TDRD9: variants seen among roughly 807,000 people sequenced by gnomAD.
TDRD9 encodes ATP-dependent RNA helicase TDRD9.
Under a neutral mutation model 172.6 loss-of-function variants are expected in TDRD9, and 124 were observed. That is an observed-to-expected ratio of 0.72 (90% confidence interval 0.62 to 0.83). The LOEUF (loss-of-function observed/expected upper bound fraction) is 0.83, where lower values mean the gene tolerates loss of function less well. Among genes scored for constraint, TDRD9 ranks in the 40% least tolerant of loss-of-function variants. The pLI is 0.00. For missense variants in TDRD9, 1,479 were observed against 1,714.1 expected (o/e 0.86, Z 2.42); for synonymous variants, 619 against 617.1 (o/e 1.00, Z -0.05).
At chr14:104,051,344 G>A (rs561899375) in intron 35 of TDRD9, among the ~76,000 whole-genome samples, 2 of 152,270 alleles carry the variant, frequency 1.3e-5, no homozygotes, top group Admixed American at 6.5e-5. Context: ...TCTCTATCCA[G>A]TCCACTGTTG....
intron 1 of TDRD9, among the ~76,000 whole-genome samples, chr14:103,944,790 C>G (rs1215189530): frequency 1.3e-5 from 2 of 152,106 alleles, no homozygotes; most frequent in African/African-American, 2.4e-5. Flanking sequence ...GTCTTGAACT[C>G]CTGACTTCAA....
chr14:104,040,509 A>T (rs1228539519), intron 33 of TDRD9, among the ~76,000 whole-genome samples, 175 bp downstream of exon 33: 1 of 152,058 alleles, frequency 6.6e-6, no homozygotes, highest in Admixed American at 6.5e-5. Context: ...ACCGCTCCTT[A>T]ACTTGCCAGT....
At chr14:103,975,191 A>G (rs983698908) in intron 6 of TDRD9, among the ~76,000 whole-genome samples, 198 bp from the exon 7 acceptor site, 2 of 152,244 alleles carry the variant, frequency 1.3e-5, no homozygotes, top group Admixed American at 6.5e-5. Flanking sequence ...GTACTCGAAG[A>G]GAAATAGTAA....
chr14:103,966,150 G>A (rs1447334824), intron 4 of TDRD9, among the ~76,000 whole-genome samples: 2 of 152,134 alleles, frequency 1.3e-5, no homozygotes, highest in Non-Finnish European at 2.9e-5. Context: ...GGCCAACATG[G>A]TGAAACCCCC....
intron 20 of TDRD9, among the ~76,000 whole-genome samples, chr14:104,011,787 A>C (rs772645324): frequency 7.0e-4 from 106 of 152,190 alleles, no homozygotes; most frequent in Non-Finnish European, 2.2e-4. Context: ...TTGTATATTC[A>C]GGGAGTCCCC....
chr14:103,968,831 T>G, intron 5 of TDRD9, among the ~76,000 whole-genome samples: 2 of 124,112 alleles, frequency 1.6e-5, no homozygotes, highest in Non-Finnish European at 3.5e-5. Context: ...CCGGGTGCGG[T>G]GGCTCACGCC....
intron 3 of TDRD9, among the ~76,000 whole-genome samples, chr14:103,964,840 T>C (rs1347959320): frequency 2.0e-5 from 3 of 152,170 alleles, no homozygotes; most frequent in African/African-American, 7.2e-5. Context: ...TACTGTTAAA[T>C]AGGTAGTAGA....
At chr14:103,960,100 C>G (rs949045202) in intron 2 of TDRD9, among the ~76,000 whole-genome samples, 3 of 152,156 alleles carry the variant, frequency 2.0e-5, no homozygotes, top group African/African-American at 7.2e-5. Context: ...ATTCAGAATA[C>G]TAGTCCATAT....
chr14:104,005,464 T>A (rs1345788984), intron 15 of TDRD9, 59 bp downstream of exon 15: 1 of 1,574,808 alleles, frequency 6.3e-7, no homozygotes, highest in Non-Finnish European at 8.7e-7. Flanking sequence ...CTACTGTGGC[T>A]CCCTCAGTCT....
chr14:103,928,935 T>G (rs2030170474), intron 1 of TDRD9: 1 of 249,648 alleles, frequency 4.0e-6, no homozygotes, highest in Non-Finnish European at 7.6e-6. Flanking sequence ...TTTTTTTTTT[T>G]TTTTTTTTTT....
intron 2 of TDRD9, among the ~76,000 whole-genome samples, chr14:103,956,115 T>G (rs201719467): frequency 5.1e-5 from 1 of 19,778 alleles, no homozygotes; most frequent in Non-Finnish European, 9.1e-5. Flanking sequence ...AAAAAAAATA[T>G]ATATATATAT....
At chr14:103,983,142 T>C (rs2033544269) in intron 7 of TDRD9, among the ~76,000 whole-genome samples, 1 of 148,104 alleles carries the variant, frequency 6.8e-6, no homozygotes. Flanking sequence ...CAGCTCATTG[T>C]AACCTCTGCC....
intron 31 of TDRD9, among the ~76,000 whole-genome samples, 167 bp from the exon 32 acceptor site, chr14:104,034,793 A>G (rs1436785473): frequency 6.6e-6 from 1 of 152,212 alleles, no homozygotes; most frequent in African/African-American, 2.4e-5. Context: ...GGTACTGTGG[A>G]AACAGAGAAC....
rs1036065765 is a variant in TDRD9 at position 103,997,825 on chromosome 14, C to A, written c.1379-799C>A. 6.6e-6 allele frequency among the ~76,000 whole-genome samples: 1 copy of A among 152,134 alleles called. No homozygotes were observed. The highest frequency in any genetic ancestry group is 6.5e-5 in the Admixed American group (1 of 15,280). ...TGGCGGGTCAAGGAGGACCTCCCAA[C>A]GGGGCTGTTGTCAGTGACCTTGACA... On this transcript the variant is annotated intron_variant, in intron 12 of 35. Transcript: ENST00000409874. This position sits in a 1 kb window ranked among gnomAD's most constrained non-coding sequence, Gnocchi z 5.1.
chr14:103,942,501 T>C (rs1240538864), intron 1 of TDRD9, among the ~76,000 whole-genome samples: 5 of 152,210 alleles, frequency 3.3e-5, no homozygotes, highest in Non-Finnish European at 5.9e-5. Context: ...TAAAGCACCA[T>C]AGATGCGCTC....
intron 32 of TDRD9, 76 bp from the exon 33 acceptor site, chr14:104,040,120 G>T: frequency 8.0e-7 from 1 of 1,255,884 alleles, no homozygotes; most frequent in Non-Finnish European, 1.0e-6. Flanking sequence ...TAATTTTATC[G>T]GTCAATTTTT....
chr14:104,011,792 G>A (rs539048229), intron 20 of TDRD9, among the ~76,000 whole-genome samples: 11 of 152,228 alleles, frequency 7.2e-5, no homozygotes, highest in African/African-American at 2.4e-4. Flanking sequence ...TATTCAGGGA[G>A]TCCCCAAGAC....
intron 1 of TDRD9, among the ~76,000 whole-genome samples, chr14:103,945,168 G>C (rs927518069): frequency 1.3e-5 from 2 of 152,196 alleles, no homozygotes; most frequent in African/African-American, 4.8e-5. Context: ...TTTTTGGGTA[G>C]GAGGTATCCT....
At chr14:104,019,989 G>A (rs1196704848) in intron 23 of TDRD9, among the ~76,000 whole-genome samples, 3 of 152,182 alleles carry the variant, frequency 2.0e-5, no homozygotes, top group African/African-American at 7.2e-5. Context: ...AGGGTCAGGT[G>A]GTTTTCCAGC....
Sources: gnomAD v4.1 joint callset for allele counts (sites outside exome capture counted in the v4.1 genomes callset) on GRCh38, gnomAD v4.1.1 for gene constraint, Gnocchi (gnomAD v3.1) non-coding constraint, MANE v1.5 for transcripts, NCBI Gene and HGNC (gene_info 2026-07-23, HGNC 2026-07-21) for gene names.